Variants in IFNG-AS1 observed in about 807,000 individuals in gnomAD.
IFNG-AS1 encodes the protein IFNG regulatory antisense RNA 1.
At chr12:67,991,630 G>A (rs974968366) in intron 1 of IFNG-AS1, among the ~76,000 whole-genome samples, 6 of 152,218 alleles carry the variant, frequency 3.9e-5, no homozygotes, top group South Asian at 4.1e-4. Flanking sequence ...AGGAAAGCCC[G>A]CAAGATGGGC....
chr12:67,992,774 T>C (rs1448503036), intron 1 of IFNG-AS1, among the ~76,000 whole-genome samples: 1 of 152,202 alleles, frequency 6.6e-6, no homozygotes, highest in Non-Finnish European at 1.5e-5. Flanking sequence ...TTTGAGTAAA[T>C]ATATCTCAAA....
At chr12:68,008,560 T>C (rs1355355607) in intron 3 of IFNG-AS1, among the ~76,000 whole-genome samples, 1 of 152,174 alleles carries the variant, frequency 6.6e-6, no homozygotes, top group Non-Finnish European at 1.5e-5. Context: ...AATTCCAAGG[T>C]GTCAGTAGAT....
chr12:68,001,099 A>C (rs1449168336), intron 2 of IFNG-AS1, among the ~76,000 whole-genome samples: 1 of 152,160 alleles, frequency 6.6e-6, no homozygotes, highest in African/African-American at 2.4e-5. Context: ...ACACACATAT[A>C]TACTTGCACA....
chr12:67,995,645 C>G (rs1044690897), intron 1 of IFNG-AS1, among the ~76,000 whole-genome samples: 16 of 150,284 alleles, frequency 1.1e-4, no homozygotes, highest in Admixed American at 5.3e-4. Flanking sequence ...TCACTTGAAC[C>G]TGGGAGGCAG....
chr12:68,006,041 ATC>A (rs1345965842), intron 2 of IFNG-AS1: 1 of 152,246 alleles, frequency 6.6e-6, no homozygotes, highest in Non-Finnish European at 1.5e-5. Flanking sequence ...TCCAGTAACC[ATC>A]TCTCTGCCTT....
At chr12:67,990,549 CT>C (rs1400403066) in intron 1 of IFNG-AS1, among the ~76,000 whole-genome samples, 2 of 151,792 alleles carry the variant, frequency 1.3e-5, no homozygotes, top group Non-Finnish European at 2.9e-5. Context: ...CTTTCTAATC[CT>C]TTTTTAAAGG....
chr12:68,001,041 T>C (rs553247545), intron 2 of IFNG-AS1, among the ~76,000 whole-genome samples: 28 of 152,268 alleles, frequency 1.8e-4, no homozygotes, highest in African/African-American at 6.7e-4. Context: ...TCATCACTAC[T>C]CAATAGTTAC....
intron 2 of IFNG-AS1, among the ~76,000 whole-genome samples, chr12:68,002,212 G>T (rs1203712476): frequency 3.9e-5 from 6 of 152,154 alleles, no homozygotes; most frequent in Admixed American, 3.9e-4. Context: ...CTAAAACAGG[G>T]CCAAGCCCTC....
chr12:68,000,308 C>T (rs1236735728), intron 2 of IFNG-AS1, among the ~76,000 whole-genome samples: 1 of 152,094 alleles, frequency 6.6e-6, no homozygotes, highest in Admixed American at 6.5e-5. Flanking sequence ...CCTATGATTA[C>T]AAAACTTCAT....
intron 3 of IFNG-AS1, among the ~76,000 whole-genome samples, chr12:68,016,462 T>C (rs1160731381): frequency 1.3e-5 from 2 of 152,168 alleles, no homozygotes; most frequent in Non-Finnish European, 2.9e-5. Context: ...AAGTTGGGCC[T>C]GGTCCTGGTG....
intron 3 of IFNG-AS1, among the ~76,000 whole-genome samples, chr12:68,008,576 C>T (rs929761737): frequency 6.6e-6 from 1 of 152,160 alleles, no homozygotes; most frequent in African/African-American, 2.4e-5. Context: ...TAGATTAGCA[C>T]AATAGAAATT....
chr12:68,005,775 G>C (rs1045093125), intron 2 of IFNG-AS1, among the ~76,000 whole-genome samples: 4 of 152,212 alleles, frequency 2.6e-5, no homozygotes, highest in Admixed American at 6.5e-5. Flanking sequence ...ATTAGAAGCA[G>C]AGGATGGAAT....
intron 3 of IFNG-AS1, among the ~76,000 whole-genome samples, chr12:68,009,184 A>C (rs1313154532): frequency 6.6e-6 from 1 of 152,246 alleles, no homozygotes; most frequent in African/African-American, 2.4e-5. Flanking sequence ...TAAAATAATT[A>C]GAACCATAAC....
chr12:67,993,040 A>G (rs2120410750), intron 1 of IFNG-AS1, among the ~76,000 whole-genome samples: 1 of 152,320 alleles, frequency 6.6e-6, no homozygotes, highest in East Asian at 1.9e-4. Flanking sequence ...TCCTCTTGTC[A>G]CTTTCCTGTC....
At chr12:67,997,332 G>A (rs1379586294) in intron 2 of IFNG-AS1, among the ~76,000 whole-genome samples, 2 of 151,962 alleles carry the variant, frequency 1.3e-5, no homozygotes, top group East Asian at 3.8e-4. Flanking sequence ...AGAAAGCCCA[G>A]AAATTGACTC....
chr12:67,993,620 AT>A (rs1389146389), intron 1 of IFNG-AS1, among the ~76,000 whole-genome samples: 1 of 152,214 alleles, frequency 6.6e-6, no homozygotes, highest in African/African-American at 2.4e-5. Context: ...ACACTTAAAA[AT>A]ATATTTCTGA....
chr12:68,001,529 A>C (rs1879769637), intron 2 of IFNG-AS1: 1 of 228,876 alleles, frequency 4.4e-6, no homozygotes, highest in African/African-American at 2.3e-5. Flanking sequence ...CTTGATACTG[A>C]AAACCTTGCG....
chr12:67,995,292 G>A (rs776216841), intron 1 of IFNG-AS1, among the ~76,000 whole-genome samples: 30 of 151,404 alleles, frequency 2.0e-4, no homozygotes, highest in Admixed American at 4.0e-4. Flanking sequence ...ATGGTGGCGC[G>A]TGCCTATAGT....
intron 3 of IFNG-AS1, among the ~76,000 whole-genome samples, chr12:68,018,917 A>C (rs1371546174): frequency 6.6e-6 from 1 of 152,110 alleles, no homozygotes; most frequent in African/African-American, 2.4e-5. Flanking sequence ...AACTTTTTTA[A>C]GAGGATCCGT....
Sources: allele counts gnomAD v4.1 joint callset (sites outside exome capture counted in the v4.1 genomes callset), GRCh38; gene constraint gnomAD v4.1.1; transcripts MANE v1.5; gene names NCBI Gene and HGNC (gene_info 2026-07-23, HGNC 2026-07-21).